The following LINC00305 variants were observed in gnomAD, a reference collection of about 807,000 sequenced individuals.
The protein encoded by LINC00305 is long independently transcribed non-coding RNA 305.
chr18:64,116,994 CA>C (rs1456714148), intron 1 of LINC00305, among the ~76,000 whole-genome samples: 4 of 152,174 alleles, frequency 2.6e-5, no homozygotes, highest in Admixed American at 2.6e-4. Context: ...CCTGTGTTTG[CA>C]TAACAATGAG....
intron 3 of LINC00305, among the ~76,000 whole-genome samples, chr18:64,095,709 G>A (rs1228900054): frequency 2.0e-5 from 3 of 152,152 alleles, no homozygotes; most frequent in Non-Finnish European, 4.4e-5. Flanking sequence ...CAAAGAAAGT[G>A]GGTGGAGAAA....
intron 1 of LINC00305, among the ~76,000 whole-genome samples, chr18:64,141,427 T>C (rs2051462557): frequency 6.6e-6 from 1 of 152,166 alleles, no homozygotes; most frequent in Admixed American, 6.5e-5. Flanking sequence ...AAAAGGTTAC[T>C]GTTGAAAACG....
At chr18:64,146,852 T>A (rs2051500641) in intron 1 of LINC00305, among the ~76,000 whole-genome samples, 1 of 152,184 alleles carries the variant, frequency 6.6e-6, no homozygotes, top group South Asian at 2.1e-4. Context: ...AGTGTGTGTG[T>A]GTGTTTATTA....
chr18:64,110,485 A>G (rs1201352731), intron 1 of LINC00305, among the ~76,000 whole-genome samples: 1 of 152,192 alleles, frequency 6.6e-6, no homozygotes, highest in South Asian at 2.1e-4. Flanking sequence ...TGACAGTACT[A>G]TAGAGGAATA....
intron 1 of LINC00305, among the ~76,000 whole-genome samples, chr18:64,107,894 A>G (rs961476004): frequency 6.6e-6 from 1 of 152,208 alleles, no homozygotes; most frequent in Non-Finnish European, 1.5e-5. Context: ...CTCCACGAGC[A>G]GGGTTCTCCA....
rs571105196 is a variant in LINC00305 at position 64,094,426 on chromosome 18, C to A, written n.540+3408G>T. 2.6e-5 allele frequency among the ~76,000 whole-genome samples: 4 copies of A among 152,212 alleles called. No individual in the cohort carries two copies. The East Asian group carries it at 7.7e-4, about 29-fold the overall frequency. On this transcript the variant is annotated intron_variant and non_coding_transcript_variant, in intron 3 of 3. Coordinates refer to ENST00000666468, the Ensembl canonical transcript of LINC00305. ...CGACTGTGGGCAGAGAGCACAACAC[C>A]CTCAGAAGCACTTCTGCTGCTGGAG...
chr18:64,096,310 T>G (rs986158838), intron 3 of LINC00305, among the ~76,000 whole-genome samples: 1 of 151,948 alleles, frequency 6.6e-6, no homozygotes, highest in Non-Finnish European at 1.5e-5. Flanking sequence ...TTAAAAATCT[T>G]AGAAGTTTTT....
At position 64,102,101 on chromosome 18, in the gene LINC00305, G is replaced by A. The variant is rs142832476; in HGVS notation, n.315-3461C>T. On this transcript the variant is annotated intron_variant and non_coding_transcript_variant, in intron 1 of 3. Transcript: ENST00000666468. ...CTGTGTTCCGATGCCCCCAGTGACCGCTGTTCATATCAGTAATATTTGAAA... is the reference window on the plus strand; with the variant it reads ...CTGTGTTCCGATGCCCCCAGTGACCACTGTTCATATCAGTAATATTTGAAA... Among the ~76,000 whole-genome samples the A allele has an allele frequency of 1.7e-3, 258 of 152,204 alleles. 1 individual carries two copies. Among genetic ancestry groups the A allele is most frequent in the African/African-American group, 4.8e-3 (199 of 41,508 alleles).
intron 3 of LINC00305, among the ~76,000 whole-genome samples, chr18:64,095,458 ATT>A (rs34018547): frequency 6.6e-6 from 1 of 150,988 alleles, no homozygotes; most frequent in African/African-American, 2.4e-5. Context: ...ACAAGAGGAG[ATT>A]TTTTTTTTGA....
At chr18:64,137,350 T>C (rs1769318046) in intron 1 of LINC00305, among the ~76,000 whole-genome samples, 1 of 152,232 alleles carries the variant, frequency 6.6e-6, no homozygotes, top group South Asian at 2.1e-4. Flanking sequence ...AACACATTTC[T>C]GTTATTTTAA....
At chr18:64,132,992 G>A (rs903735376) in intron 1 of LINC00305, among the ~76,000 whole-genome samples, 1 of 152,178 alleles carries the variant, frequency 6.6e-6, no homozygotes, top group Non-Finnish European at 1.5e-5. Context: ...CCTCCACATG[G>A]TTCCAGGGGA....
At chr18:64,123,554 C>A (rs2051371425) in intron 1 of LINC00305, among the ~76,000 whole-genome samples, 1 of 152,090 alleles carries the variant, frequency 6.6e-6, no homozygotes, top group African/African-American at 2.4e-5. Context: ...TACCTCAATA[C>A]ATATTCTACA....
intron 3 of LINC00305, among the ~76,000 whole-genome samples, chr18:64,097,205 T>G (rs545938919): frequency 6.6e-6 from 1 of 152,116 alleles, no homozygotes; most frequent in East Asian, 1.9e-4. Flanking sequence ...CGTAGAATAT[T>G]ATGCAGCCAT....
intron 1 of LINC00305, among the ~76,000 whole-genome samples, chr18:64,112,784 C>A (rs1039824940): frequency 6.6e-6 from 1 of 152,146 alleles, no homozygotes; most frequent in Admixed American, 6.5e-5. Context: ...ACTTCATAAT[C>A]AATGACTTTT....
rs532460167 is a variant in LINC00305, at chr18:64,120,653, C to T, written n.315-22013G>A. On this transcript the variant is annotated intron_variant and non_coding_transcript_variant, in intron 1 of 3. Coordinates refer to ENST00000666468, the Ensembl canonical transcript of LINC00305. ...TATGTTCAATGTAGGAAAGTTGTAG[C>T]CTTTTCAATCCTCCATTAGCCAGAT... Among the ~76,000 whole-genome samples, 24 of 152,074 alleles carry T rather than the reference C, an allele frequency of 1.6e-4. 1 individual carries two copies. The highest frequency in any genetic ancestry group is 2.0e-4 in the Admixed American group (3 of 15,248).
At chr18:64,092,141 G>A (rs1260185460) in intron 3 of LINC00305, among the ~76,000 whole-genome samples, 1 of 152,182 alleles carries the variant, frequency 6.6e-6, no homozygotes, top group Non-Finnish European at 1.5e-5. Flanking sequence ...TTTCTCACAG[G>A]TTTTGTTTCT....
intron 1 of LINC00305, among the ~76,000 whole-genome samples, chr18:64,142,959 A>C (rs1443016011): frequency 2.0e-5 from 3 of 152,196 alleles, no homozygotes; most frequent in African/African-American, 7.2e-5. Context: ...TTAGAAACAG[A>C]ATAGAAACTA....
chr18:64,081,783 G>A (rs1348144582), intron 3 of LINC00305, among the ~76,000 whole-genome samples: 4 of 152,132 alleles, frequency 2.6e-5, no homozygotes, highest in African/African-American at 9.7e-5. Flanking sequence ...AAAAACATCT[G>A]GGGCGACAGC....
chr18:64,091,333 C>G (rs1396987580), intron 3 of LINC00305, among the ~76,000 whole-genome samples: 1 of 152,234 alleles, frequency 6.6e-6, no homozygotes, highest in African/African-American at 2.4e-5. Flanking sequence ...GCTCATGGAG[C>G]ATTGCCCACA....
Sources: allele counts gnomAD v4.1 joint callset (sites outside exome capture counted in the v4.1 genomes callset), GRCh38; gene constraint gnomAD v4.1.1; transcripts MANE v1.5; gene names NCBI Gene and HGNC (gene_info 2026-07-23, HGNC 2026-07-21).